XRCC4: variants seen among roughly 807,000 people sequenced by gnomAD.
XRCC4 encodes the protein X-ray repair cross complementing 4.
XRCC4 carries 28 observed loss-of-function variants against 39.1 expected under a neutral mutation model. The ratio of observed to expected loss-of-function variants is 0.72; its 90% CI spans 0.53 to 0.98. The LOEUF is 0.98. Ranked by LOEUF, XRCC4 falls within the 50% of genes least tolerant of loss-of-function variation. The probability of loss-of-function intolerance (pLI) is 0.00; values close to 1 mark genes in which losing one functional copy is unlikely to be tolerated. For synonymous variants in XRCC4, 123 were observed against 126.4 expected, an observed-to-expected ratio of 0.97 and a Z score of 0.18; for missense variants, 350 against 376.4, an observed-to-expected ratio of 0.93 and a Z score of 0.58.
At chr5:83,291,955 G>T (rs998374367) in intron 7 of XRCC4, among the ~76,000 whole-genome samples, 1 of 127,030 alleles carries the variant, frequency 7.9e-6, no homozygotes, top group Non-Finnish European at 1.5e-5. Context: ...GTATTTCTGT[G>T]TGTGTGTGTG....
At chr5:83,360,544 A>C in the XRCC4 span, among the ~76,000 whole-genome samples, 1 of 152,162 alleles carries the variant, frequency 6.6e-6, no homozygotes, top group Non-Finnish European at 1.5e-5. Flanking sequence ...TGGCCAATAA[A>C]ATGTGAATGA....
chr5:83,208,722 A>G (rs1392112320), intron 6 of XRCC4, among the ~76,000 whole-genome samples: 1 of 152,070 alleles, frequency 6.6e-6, no homozygotes, highest in Non-Finnish European at 1.5e-5. Flanking sequence ...GGAAATCCCC[A>G]AAGTATTCTG....
chr5:83,355,057 C>A (rs886156541), downstream of XRCC4, among the ~76,000 whole-genome samples: 1 of 152,120 alleles, frequency 6.6e-6, no homozygotes, highest in Non-Finnish European at 1.5e-5. Flanking sequence ...CCCCTGCTTA[C>A]CTCCCCAACC....
chr5:83,159,058 G>A (rs1749086824), intron 3 of XRCC4, among the ~76,000 whole-genome samples: 1 of 152,034 alleles, frequency 6.6e-6, no homozygotes, highest in East Asian at 1.9e-4. Flanking sequence ...AGTTTTGTGG[G>A]ATTCTTGTAA....
chr5:83,260,768 G>A (rs1022002698), intron 7 of XRCC4, among the ~76,000 whole-genome samples: 1 of 151,952 alleles, frequency 6.6e-6, no homozygotes. Flanking sequence ...AGGTAATCAT[G>A]TCAATGTTTA....
At chr5:83,207,012 G>T (rs759069717) in intron 6 of XRCC4, among the ~76,000 whole-genome samples, 4 of 152,106 alleles carry the variant, frequency 2.6e-5, no homozygotes, top group Admixed American at 6.6e-5. Context: ...TCATACTTTT[G>T]CACTTGGGAA....
chr5:83,304,973 G>C (rs979186973), intron 7 of XRCC4, among the ~76,000 whole-genome samples: 2 of 152,136 alleles, frequency 1.3e-5, no homozygotes, highest in Non-Finnish European at 2.9e-5. Context: ...TAAAGTTTCA[G>C]TAATTTAGTT....
intron 3 of XRCC4, among the ~76,000 whole-genome samples, chr5:83,192,550 A>G (rs1014820090): frequency 3.9e-5 from 6 of 152,094 alleles, no homozygotes; most frequent in African/African-American, 9.6e-5. Flanking sequence ...AGCTCAGGCA[A>G]TCTGCCCACC....
chr5:83,179,973 G>A (rs1351003743), intron 3 of XRCC4, among the ~76,000 whole-genome samples: 2 of 152,158 alleles, frequency 1.3e-5, no homozygotes, highest in Admixed American at 6.6e-5. Context: ...TATAGAAAAA[G>A]TGTAAGAATA....
chr5:83,134,301 C>G (rs1270677634), intron 3 of XRCC4, among the ~76,000 whole-genome samples: 1 of 151,960 alleles, frequency 6.6e-6, no homozygotes, highest in Admixed American at 6.6e-5. Context: ...ACTTGGAGAA[C>G]TTTTGTGTCT....
At chr5:83,087,674 A>AT (rs201548067) in intron 1 of XRCC4, among the ~76,000 whole-genome samples, 3 of 150,668 alleles carry the variant, frequency 2.0e-5, no homozygotes, top group East Asian at 1.9e-4. Context: ...AAAAAAAAAA[A>AT]TTTTTTTTTT....
chr5:83,355,622 T>C (rs73140258), downstream of XRCC4, among the ~76,000 whole-genome samples: 1 of 152,314 alleles, frequency 6.6e-6, no homozygotes, highest in South Asian at 2.1e-4. Flanking sequence ...TAGGTATATA[T>C]ATGCATGCAC....
intron 1 of XRCC4, among the ~76,000 whole-genome samples, chr5:83,089,659 T>C (rs1745332476): frequency 6.6e-6 from 1 of 152,136 alleles, no homozygotes; most frequent in Non-Finnish European, 1.5e-5. Flanking sequence ...AGGTTTCCCT[T>C]GATTTATGCC....
At chr5:83,144,064 C>G (rs923436714) in intron 3 of XRCC4, among the ~76,000 whole-genome samples, 1 of 151,886 alleles carries the variant, frequency 6.6e-6, no homozygotes, top group Non-Finnish European at 1.5e-5. Context: ...CTCTGCCTTC[C>G]CCCCTTCTGA....
intron 7 of XRCC4, among the ~76,000 whole-genome samples, chr5:83,288,664 T>C (rs745407983): frequency 2.6e-5 from 4 of 151,848 alleles, no homozygotes; most frequent in Non-Finnish European, 5.9e-5. Context: ...ATACCTTGTT[T>C]CTGTGTATGT....
intron 3 of XRCC4, among the ~76,000 whole-genome samples, chr5:83,145,544 C>T (rs1186493977): frequency 6.6e-6 from 1 of 152,186 alleles, no homozygotes; most frequent in African/African-American, 2.4e-5. Context: ...AGCACTGTTA[C>T]TTGGAGTCTG....
At chr5:83,203,176 CTTTT>C (rs1161509424) in intron 4 of XRCC4, among the ~76,000 whole-genome samples, 2 of 151,990 alleles carry the variant, frequency 1.3e-5, no homozygotes, top group African/African-American at 4.8e-5. Flanking sequence ...ATTGTAGTTG[CTTTT>C]ATAGTAATAT....
chr5:83,338,590 C>T (rs778700336), intron 7 of XRCC4, among the ~76,000 whole-genome samples: 3 of 152,074 alleles, frequency 2.0e-5, no homozygotes, highest in Admixed American at 6.6e-5. Flanking sequence ...TTTTTAAACT[C>T]ATTTTTGTAT....
the XRCC4 span, among the ~76,000 whole-genome samples, chr5:83,362,885 T>C: frequency 1.3e-5 from 2 of 152,226 alleles, no homozygotes; most frequent in Non-Finnish European, 2.9e-5. Context: ...TTACCAACTG[T>C]GGTTAGAAGA....
Sources: gnomAD v4.1 joint callset for allele counts (sites outside exome capture counted in the v4.1 genomes callset) on GRCh38, gnomAD v4.1.1 for gene constraint, MANE v1.5 for transcripts, NCBI Gene and HGNC (gene_info 2026-07-23, HGNC 2026-07-21) for gene names.